INPP5A: variants seen among roughly 807,000 people sequenced by gnomAD.
The protein encoded by INPP5A is 43 kDa inositol polyphosphate 5-phophatase.
Under a neutral mutation model 65.2 loss-of-function variants are expected in INPP5A, and 14 were observed. That is an observed-to-expected ratio of 0.21 (90% CI 0.14 to 0.34). The LOEUF (loss-of-function observed/expected upper bound fraction) is 0.34. Among genes scored for constraint, INPP5A ranks in the 10% least tolerant of loss-of-function variants. The probability of loss-of-function intolerance (pLI) is 1.00; values close to 1 mark genes in which losing one functional copy is unlikely to be tolerated. For missense variants in INPP5A, 431 were observed against 545.6 expected, an observed-to-expected ratio of 0.79 and a Z score of 2.09; for synonymous variants, 207 against 208.3, an observed-to-expected ratio of 0.99 and a Z score of 0.05.
In INPP5A at chr10:132,637,166, C is replaced by T. The variant is rs978368523; in HGVS notation, c.118-8702C>T. On this transcript the variant is annotated intron_variant, in intron 2 of 15. Transcript: ENST00000368594. The surrounding 1 kb of genome is among the most constrained non-coding windows in gnomAD (Gnocchi z 4.1). ...CTCCTGACCTTGTGGTTGATCCGCC[C>T]GCTGCCTCGGCCTCCCAAAGTGGTG... Among the ~76,000 whole-genome samples, 3 of 152,252 alleles carry T rather than the reference C, an allele frequency of 2.0e-5. No individual in the cohort carries two copies. Among genetic ancestry groups the T allele is most frequent in the East Asian group, 3.9e-4 (2 of 5,184 alleles).
Position 132,627,675 on chromosome 10 carries a change from T to TG in INPP5A, c.118-18188dup, listed in dbSNP as rs1250046993. ...CAGCGAGCACAGTGTGGTCCGGGGC[T>TG]GGGGGTGTGAGATGGCTGGGATTAT... On this transcript the variant is annotated intron_variant, in intron 2 of 15. Coordinates refer to ENST00000368594, the MANE Select transcript of INPP5A (RefSeq NM_005539.5). This position sits in a 1 kb window ranked among gnomAD's most constrained non-coding sequence, Gnocchi z 6.6. Among the ~76,000 whole-genome samples, 1 of 151,998 alleles carries TG rather than the reference T, an allele frequency of 6.6e-6. No homozygotes were observed. Among genetic ancestry groups the TG allele is most frequent in the Non-Finnish European group, 1.5e-5 (1 of 67,982 alleles).
Position 132,705,496 on chromosome 10 carries a change from G to A in INPP5A, c.475-2817G>A, listed in dbSNP as rs950372429. Among the ~76,000 whole-genome samples, 19 of 152,250 alleles carry A rather than the reference G, an allele frequency of 1.2e-4. No individual in the cohort carries two copies. Among genetic ancestry groups the A allele is most frequent in the East Asian group, 5.8e-4 (3 of 5,200 alleles). On this transcript the variant is annotated intron_variant, in intron 6 of 15. Transcript: ENST00000368594. This position sits in a 1 kb window ranked among gnomAD's most constrained non-coding sequence, Gnocchi z 4.9. ...GTGGGCTCAGTACCAGAGCCAGCTCGTGGTGTGAGGACGGATCCTCCTCGA... is the reference window on the plus strand; with the variant it reads ...GTGGGCTCAGTACCAGAGCCAGCTCATGGTGTGAGGACGGATCCTCCTCGA...
At chr10:132,720,443 G>T (rs1293083809) in intron 8 of INPP5A, among the ~76,000 whole-genome samples, 30 of 150,562 alleles carry the variant, frequency 2.0e-4, no homozygotes, top group Admixed American at 2.0e-4. Context: ...GGGCGCCTTA[G>T]ACGGCTGTCT....
At chr10:132,726,791 CT>C in intron 8 of INPP5A, 29 bp from the exon 9 acceptor site, 2 of 1,552,900 alleles carry the variant, frequency 1.3e-6, no homozygotes, top group Non-Finnish European at 1.8e-6. Context: ...CTTCAGCGCC[CT>C]CGGTAACAAG....
intron 4 of INPP5A, among the ~76,000 whole-genome samples, chr10:132,688,658 T>G (rs1845190218): frequency 6.7e-6 from 1 of 148,808 alleles, no homozygotes; most frequent in Admixed American, 6.7e-5. Context: ...TGTGTGCAAG[T>G]GAGTGTGAAC....
intron 1 of INPP5A, among the ~76,000 whole-genome samples, chr10:132,579,429 A>G (rs1590844015): frequency 6.6e-6 from 1 of 151,632 alleles, no homozygotes; most frequent in Admixed American, 6.6e-5. Flanking sequence ...CTCTGGTGGG[A>G]GCAGTAGGGG....
intron 7 of INPP5A, 151 bp downstream of exon 7, chr10:132,708,516 C>G: frequency 1.2e-6 from 1 of 806,452 alleles, no homozygotes; most frequent in Non-Finnish European, 2.3e-6. Flanking sequence ...CACTCTGACC[C>G]TTTTGGTTCA....
At chr10:132,559,644 T>A (rs2071175489) in intron 1 of INPP5A, among the ~76,000 whole-genome samples, 1 of 147,170 alleles carries the variant, frequency 6.8e-6, no homozygotes, top group African/African-American at 2.7e-5. Context: ...CCTCACTTAC[T>A]CAGCACGTGT....
At chr10:132,681,438 C>A (rs1236098222) in intron 4 of INPP5A, among the ~76,000 whole-genome samples, 1 of 152,076 alleles carries the variant, frequency 6.6e-6, no homozygotes, top group Admixed American at 6.6e-5. Flanking sequence ...AGACCACGAA[C>A]CCACCAGAAG....
At position 132,678,330 on chromosome 10, in the gene INPP5A, G is replaced by A. The variant is rs1205429189; in HGVS notation, c.307-12062G>A. Among the ~76,000 whole-genome samples, 1 of 152,144 alleles carries A rather than the reference G, an allele frequency of 6.6e-6. No homozygotes were observed. Among genetic ancestry groups the A allele is most frequent in the Non-Finnish European group, 1.5e-5 (1 of 68,022 alleles). ...AAGCGCTACATTGATTTAAACAAAA[G>A]CTTTGTTTCATTTATTATTGTTTAT... On this transcript the variant is annotated intron_variant, in intron 4 of 15. Transcript: ENST00000368594. This position sits in a 1 kb window ranked among gnomAD's most constrained non-coding sequence, Gnocchi z 4.1.
chr10:132,677,403 G>C lies in INPP5A; in HGVS notation c.307-12989G>C, dbSNP rs57362316. ...GAGAACATATGTGGCACAGAGGAAG[G>C]AGAAAGTGCCGGGTGCATATTTGTG... On this transcript the variant is annotated intron_variant, in intron 4 of 15. Transcript: ENST00000368594. Among the ~76,000 whole-genome samples, 422 of 152,388 alleles carry C rather than the reference G, an allele frequency of 2.8e-3. 2 individuals carry two copies. The highest frequency in any genetic ancestry group is 9.5e-3 in the African/African-American group (394 of 41,598).
At chr10:132,723,390 C>G (rs112386148) in intron 8 of INPP5A, among the ~76,000 whole-genome samples, 9,320 of 150,518 alleles carry the variant, frequency 0.062, 399 homozygotes, top group African/African-American at 0.12. Flanking sequence ...GTTTAGCCAA[C>G]TGACGGCCGC....
At chr10:132,579,802 C>A (rs989605510) in intron 1 of INPP5A, among the ~76,000 whole-genome samples, 1 of 151,892 alleles carries the variant, frequency 6.6e-6, no homozygotes, top group Non-Finnish European at 1.5e-5. Flanking sequence ...ATTCACAGGG[C>A]CCTATTTTCG....
Position 132,557,933 on chromosome 10 carries a change from G to A in INPP5A, c.75+19762G>A, listed in dbSNP as rs889071861. On this transcript the variant is annotated intron_variant, in intron 1 of 15. Transcript: ENST00000368594. ...GCCCTGTGCTCCCTCAGTCTGTCCCGCGTGCCCGCCTCCTGCTGCGAGAAT... is the reference window on the plus strand; with the variant it reads ...GCCCTGTGCTCCCTCAGTCTGTCCCACGTGCCCGCCTCCTGCTGCGAGAAT... 3.3e-5 allele frequency among the ~76,000 whole-genome samples: 5 copies of A among 152,322 alleles called. No individual in the cohort carries two copies. In the South Asian group the frequency reaches 6.2e-4, roughly 19 times the overall value.
At chr10:132,761,854 C>A (rs1846739159) in intron 11 of INPP5A, among the ~76,000 whole-genome samples, 2 of 151,964 alleles carry the variant, frequency 1.3e-5, no homozygotes, top group Non-Finnish European at 2.9e-5. Flanking sequence ...GACAGACCGT[C>A]AATAATGCCA....
At chr10:132,723,882 CA>C in intron 8 of INPP5A, among the ~76,000 whole-genome samples, 1 of 148,378 alleles carries the variant, frequency 6.7e-6, no homozygotes, top group Non-Finnish European at 1.5e-5. Flanking sequence ...TTTCTGTGCT[CA>C]CGGGACACAG....
intron 1 of INPP5A, among the ~76,000 whole-genome samples, chr10:132,554,082 T>A (rs181019789): frequency 1.1e-3 from 173 of 152,068 alleles, no homozygotes; most frequent in African/African-American, 3.9e-3. Context: ...GTGAACACCT[T>A]CTCAGAGCCT....
chr10:132,596,970 T>TGC (rs1383541763), intron 1 of INPP5A, among the ~76,000 whole-genome samples: 5 of 151,240 alleles, frequency 3.3e-5, no homozygotes, highest in Non-Finnish European at 7.4e-5. Flanking sequence ...TGTGCGTGTG[T>TGC]GCATGCGTGT....
chr10:132,588,927 T>C (rs573645934), intron 1 of INPP5A, among the ~76,000 whole-genome samples: 16 of 151,264 alleles, frequency 1.1e-4, no homozygotes, highest in Non-Finnish European at 2.1e-4. Context: ...CACGTTCTGG[T>C]GTGTGTCGCC....
Sources: allele counts gnomAD v4.1 joint callset (sites outside exome capture counted in the v4.1 genomes callset), GRCh38; gene constraint gnomAD v4.1.1; non-coding constraint Gnocchi (gnomAD v3.1); transcripts MANE v1.5; gene names NCBI Gene and HGNC (gene_info 2026-07-23, HGNC 2026-07-21).